The following RBFOX1 variants were observed in gnomAD, a reference collection of about 807,000 sequenced individuals.
RBFOX1 encodes RNA binding protein fox-1 homolog 1.
A neutral mutation model predicts 57.7 loss-of-function variants in RBFOX1; 8 were observed. That is an observed-to-expected ratio of 0.14 (90% CI 0.08 to 0.25). RBFOX1 has a LOEUF of 0.25. RBFOX1 is among the 10% of genes least tolerant of loss of function. The probability of loss-of-function intolerance (pLI) is 1.00; values close to 1 mark genes in which losing one functional copy is unlikely to be tolerated. For missense variants in RBFOX1, 611 were observed against 548.5 expected (o/e 1.11, Z -1.14); for synonymous variants, 326 against 222.4 (o/e 1.47, Z -4.15).
chr16:6,307,539 A>G (rs2079662834), intron 1 of RBFOX1, among the ~76,000 whole-genome samples: 1 of 135,830 alleles, frequency 7.4e-6, no homozygotes, highest in African/African-American at 2.6e-5. Flanking sequence ...ATCATTTAAT[A>G]TATTAAGTCA....
chr16:6,951,841 C>T (rs1015274671), intron 3 of RBFOX1, among the ~76,000 whole-genome samples: 1 of 152,200 alleles, frequency 6.6e-6, no homozygotes, highest in Non-Finnish European at 1.5e-5. Context: ...TCAAGCGATT[C>T]TCCTGCCTCA....
intron 2 of RBFOX1, among the ~76,000 whole-genome samples, chr16:5,492,679 T>G (rs916637014): frequency 6.6e-6 from 1 of 151,984 alleles, no homozygotes; most frequent in Non-Finnish European, 1.5e-5. Context: ...GTGCTTGTCT[T>G]CAGCTTTCCA....
intron 3 of RBFOX1, among the ~76,000 whole-genome samples, chr16:6,685,378 C>G (rs974955997): frequency 6.8e-6 from 1 of 146,984 alleles, no homozygotes; most frequent in Non-Finnish European, 1.5e-5. Flanking sequence ...CAGGTTCAAG[C>G]AATTCTCTTG....
At chr16:7,700,859 G>C (rs1379713609) in intron 14 of RBFOX1, among the ~76,000 whole-genome samples, 2 of 152,120 alleles carry the variant, frequency 1.3e-5, no homozygotes, top group Non-Finnish European at 2.9e-5. Context: ...GAATGGCATT[G>C]GTGGGCTAGA....
intron 3 of RBFOX1, among the ~76,000 whole-genome samples, chr16:5,664,264 T>G (rs1460192822): frequency 6.6e-6 from 1 of 152,204 alleles, no homozygotes; most frequent in Non-Finnish European, 1.5e-5. Flanking sequence ...AAAAGTGGAT[T>G]CCTGGCCGGG....
chr16:5,941,550 A>T (rs955356218), intron 4 of RBFOX1, among the ~76,000 whole-genome samples: 11 of 152,102 alleles, frequency 7.2e-5, no homozygotes, highest in South Asian at 2.1e-4. Flanking sequence ...TGAGGGTCCC[A>T]TGAGAGCAGA....
intron 2 of RBFOX1, among the ~76,000 whole-genome samples, chr16:6,500,574 C>T (rs926621188): frequency 1.3e-5 from 2 of 152,086 alleles, no homozygotes; most frequent in African/African-American, 2.4e-5. Context: ...AGAGTCCCTT[C>T]CCTCAAGAAA....
intron 3 of RBFOX1, among the ~76,000 whole-genome samples, chr16:6,982,403 G>A (rs376866001): frequency 2.0e-5 from 3 of 152,082 alleles, no homozygotes; most frequent in African/African-American, 7.2e-5. Flanking sequence ...CCAGAGTCAG[G>A]GCTCTGATCC....
intron 1 of RBFOX1, among the ~76,000 whole-genome samples, chr16:5,405,355 TAGTA>T (rs1320989546): frequency 1.3e-5 from 2 of 152,214 alleles, no homozygotes; most frequent in Non-Finnish European, 2.9e-5. Context: ...GTTCTCATGA[TAGTA>T]AGTCTCATGT....
intron 2 of RBFOX1, among the ~76,000 whole-genome samples, chr16:6,651,822 G>C (rs769068148): frequency 6.6e-6 from 1 of 152,166 alleles, no homozygotes; most frequent in African/African-American, 2.4e-5. Flanking sequence ...TCTATCCACA[G>C]ATGGCGCTTA....
intron 4 of RBFOX1, among the ~76,000 whole-genome samples, chr16:7,137,944 A>T (rs914696638): frequency 4.6e-5 from 7 of 152,180 alleles, no homozygotes; most frequent in African/African-American, 1.7e-4. Flanking sequence ...TCAATATTTC[A>T]GTGAGTTAGC....
At chr16:6,051,187 C>G (rs1470643565) in intron 1 of RBFOX1, among the ~76,000 whole-genome samples, 2 of 151,672 alleles carry the variant, frequency 1.3e-5, no homozygotes, top group African/African-American at 4.8e-5. Context: ...AGGATCATAA[C>G]CTGGGTACTA....
intron 1 of RBFOX1, among the ~76,000 whole-genome samples, chr16:6,080,968 C>T (rs1265696872): frequency 1.3e-5 from 2 of 152,144 alleles, no homozygotes; most frequent in African/African-American, 4.8e-5. Flanking sequence ...AATCCTAGTA[C>T]CACCAATTTG....
intron 1 of RBFOX1, among the ~76,000 whole-genome samples, chr16:6,061,563 C>T (rs950557879): frequency 6.6e-6 from 1 of 150,846 alleles, no homozygotes; most frequent in African/African-American, 2.4e-5. Context: ...TATGATTATA[C>T]TATACACTAT....
chr16:6,788,876 C>T (rs1463177959), intron 3 of RBFOX1, among the ~76,000 whole-genome samples: 5 of 152,116 alleles, frequency 3.3e-5, no homozygotes, highest in African/African-American at 7.2e-5. Context: ...GAAATACTGT[C>T]ACTCTGTAGC....
At chr16:6,798,781 T>A (rs1436710128) in intron 3 of RBFOX1, among the ~76,000 whole-genome samples, 1 of 152,146 alleles carries the variant, frequency 6.6e-6, no homozygotes, top group East Asian at 1.9e-4. Flanking sequence ...TAAAGTAGAT[T>A]TAGTGGCACC....
chr16:7,296,638 C>G (rs1043415400), intron 4 of RBFOX1, among the ~76,000 whole-genome samples: 1 of 152,176 alleles, frequency 6.6e-6, no homozygotes, highest in African/African-American at 2.4e-5. Context: ...ATGCAGAACA[C>G]CTGCATGATG....
At chr16:6,912,804 C>T (rs1278564967) in intron 3 of RBFOX1, among the ~76,000 whole-genome samples, 4 of 151,518 alleles carry the variant, frequency 2.6e-5, no homozygotes, top group Admixed American at 2.6e-4. Context: ...TTTTTTAAGA[C>T]AGACTTTGTC....
At chr16:7,708,926 A>G in intron 14 of RBFOX1, 130 bp from the exon 15 acceptor site, 1 of 750,744 alleles carries the variant, frequency 1.3e-6, no homozygotes, top group South Asian at 1.7e-5. Context: ...TACACAGCAG[A>G]GTAGAATTTG....
Sources: gnomAD v4.1 joint callset for allele counts (sites outside exome capture counted in the v4.1 genomes callset) on GRCh38, gnomAD v4.1.1 for gene constraint, MANE v1.5 for transcripts, NCBI Gene and HGNC (gene_info 2026-07-23, HGNC 2026-07-21) for gene names.